FRMD4B: variants seen among roughly 807,000 people sequenced by gnomAD.
The protein encoded by FRMD4B is FERM domain containing 4B, also known as FERM domain-containing protein 4B.
FRMD4B carries 74 observed loss-of-function variants against 141.5 expected under a neutral mutation model. That is an observed-to-expected ratio of 0.52 (90% CI 0.43 to 0.63). The LOEUF is 0.63. Among genes scored for constraint, FRMD4B ranks in the 30% least tolerant of loss-of-function variants. The pLI, the probability that FRMD4B is intolerant of heterozygous loss-of-function variation, is 0.00. For synonymous variants in FRMD4B, 506 were observed against 467.9 expected (o/e 1.08, Z -1.05); for missense variants, 1,366 against 1,253.4 (o/e 1.09, Z -1.36).
At chr3:69,349,505 C>T (rs778312042) in intron 1 of FRMD4B, among the ~76,000 whole-genome samples, 13 of 152,116 alleles carry the variant, frequency 8.5e-5, no homozygotes, top group Admixed American at 1.3e-4. Flanking sequence ...AAAAAGAGCC[C>T]GCATTGCCAA....
chr3:69,298,551 C>A (rs1259976686), intron 4 of FRMD4B, among the ~76,000 whole-genome samples: 2 of 152,240 alleles, frequency 1.3e-5, no homozygotes, highest in Non-Finnish European at 2.9e-5. Flanking sequence ...CCCATGCCAA[C>A]TCCTACTCAC....
chr3:69,429,354 C>T (rs1183669488), intron 2 of FRMD4B, among the ~76,000 whole-genome samples: 2 of 152,154 alleles, frequency 1.3e-5, no homozygotes, highest in African/African-American at 4.8e-5. Context: ...AAAAATATTG[C>T]CCCTACTGGC....
chr3:69,470,088 A>G (rs2106942642), intron 1 of FRMD4B, among the ~76,000 whole-genome samples: 1 of 152,346 alleles, frequency 6.6e-6, no homozygotes, highest in South Asian at 2.1e-4. Flanking sequence ...TTGGATCGGT[A>G]TTCTCCAAAG....
At chr3:69,194,990 T>C (rs1301212065) in intron 16 of FRMD4B, 32 bp downstream of exon 16, 2 of 1,597,514 alleles carry the variant, frequency 1.3e-6, no homozygotes, top group Non-Finnish European at 1.7e-6. Flanking sequence ...TGTCTTATGA[T>C]TAATTGAAAG....
At position 69,300,323 on chromosome 3, in the gene FRMD4B, G is replaced by C. The variant is rs78924076; in HGVS notation, c.416+2020C>G. Among the ~76,000 whole-genome samples the C allele has an allele frequency of 4.1e-3, 625 of 152,348 alleles. 6 individuals are homozygous for C. Among genetic ancestry groups the C allele is most frequent in the African/African-American group, 0.014 (594 of 41,582 alleles). On this transcript the variant is annotated intron_variant, in intron 4 of 22. Transcript: ENST00000398540. ...CTATACTGTTGGGAGGAAGAACTAA[G>C]TGAATAATTAAAAACTTGATAAGGG...
At chr3:69,234,447 G>C (rs986915070) in intron 7 of FRMD4B, among the ~76,000 whole-genome samples, 1 of 152,080 alleles carries the variant, frequency 6.6e-6, no homozygotes, top group African/African-American at 2.4e-5. Flanking sequence ...ACCAAGACCT[G>C]GGTGATTAGC....
At chr3:69,323,653 T>TATATATAA (rs1553723964) in intron 1 of FRMD4B, among the ~76,000 whole-genome samples, 2 of 128,308 alleles carry the variant, frequency 1.6e-5, no homozygotes, top group African/African-American at 5.8e-5. Flanking sequence ...TATATATATA[T>TATATATAA]GCGTTTTAAA....
intron 1 of FRMD4B, among the ~76,000 whole-genome samples, chr3:69,323,437 C>T (rs58069160): frequency 0.021 from 3,140 of 151,282 alleles, 97 homozygotes; most frequent in African/African-American, 0.072. Context: ...GGCATGGTAG[C>T]GCATGCTGTA....
At chr3:69,520,098 T>A (rs1258822198) in intron 1 of FRMD4B, among the ~76,000 whole-genome samples, 3 of 127,542 alleles carry the variant, frequency 2.4e-5, no homozygotes, top group Non-Finnish European at 4.6e-5. Flanking sequence ...TATATATATA[T>A]AAAATGGACT....
chr3:69,301,300 G>T (rs1035863115), intron 4 of FRMD4B, among the ~76,000 whole-genome samples: 1 of 152,094 alleles, frequency 6.6e-6, no homozygotes, highest in Non-Finnish European at 1.5e-5. Flanking sequence ...GCTAGGTAGA[G>T]AAATATAGGT....
At chr3:69,254,384 C>T (rs905781544) in intron 5 of FRMD4B, among the ~76,000 whole-genome samples, 1 of 152,116 alleles carries the variant, frequency 6.6e-6, no homozygotes, top group Non-Finnish European at 1.5e-5. Flanking sequence ...GCTTAGATTA[C>T]AGGCGTGAGC....
At chr3:69,292,393 G>A (rs767010161) in intron 4 of FRMD4B, among the ~76,000 whole-genome samples, 2 of 152,186 alleles carry the variant, frequency 1.3e-5, no homozygotes, top group South Asian at 2.1e-4. Context: ...TGAAGAAACC[G>A]CATACAGGTT....
intron 7 of FRMD4B, among the ~76,000 whole-genome samples, chr3:69,235,526 G>A (rs1259101574): frequency 6.6e-6 from 1 of 152,044 alleles, no homozygotes; most frequent in Non-Finnish European, 1.5e-5. Flanking sequence ...GGGTGTGGTG[G>A]TGGGTGCCTG....
chr3:69,400,844 T>C (rs955919032), intron 2 of FRMD4B, among the ~76,000 whole-genome samples: 1 of 152,238 alleles, frequency 6.6e-6, no homozygotes, highest in Non-Finnish European at 1.5e-5. Context: ...GCTCTGCTTC[T>C]ATTACACTGA....
In FRMD4B at chr3:69,352,377, T is replaced by C. The variant is rs142068196; in HGVS notation, c.162+33451A>G. ...TGGACTCATTTCTAAGGCTACACTA[T>C]TATGTTGTTACATTATAGCAAAAGG... On this transcript the variant is annotated intron_variant, in intron 1 of 22. Transcript: ENST00000398540. Among the ~76,000 whole-genome samples the C allele has an allele frequency of 2.3e-4, 35 of 152,332 alleles. No individual in the cohort carries two copies. The East Asian group carries it at 6.6e-3, about 29-fold the overall frequency.
In FRMD4B at chr3:69,385,809, G is replaced by A. The variant is rs777861852; in HGVS notation, c.162+19C>T. The A allele has an allele frequency of 1.3e-6, 2 of 1,528,678 alleles. No individual in the cohort carries two copies. The highest frequency in any genetic ancestry group is 1.4e-5 in the African/African-American group (1 of 72,296). 94.7% of individuals were successfully genotyped at this position (1,528,678 alleles called of 1,614,324 possible). ...CGGCATCCTGCTGGGGCCCTCGGGT[G>A]CCGCGCGCTCCAGCTCACCTGGTAC... On this transcript the variant is annotated intron_variant, in intron 1 of 22. Coordinates refer to ENST00000398540, the MANE Select transcript of FRMD4B (RefSeq NM_015123.3).
rs540601501 is a variant in FRMD4B, at chr3:69,276,644, C to T, written c.501+11108G>A. Reference sequence around the variant, plus strand: ...GAGAACTTTGATACCTCCAGGTTCACGCTCAGAAATGTAAATGGCATTAAG... The same window carrying T: ...GAGAACTTTGATACCTCCAGGTTCATGCTCAGAAATGTAAATGGCATTAAG... On this transcript the variant is annotated intron_variant, in intron 5 of 22. Coordinates refer to ENST00000398540, the MANE Select transcript of FRMD4B (RefSeq NM_015123.3). Among the ~76,000 whole-genome samples, 21 of 152,250 alleles carry T rather than the reference C, an allele frequency of 1.4e-4. No homozygotes were observed. In the South Asian group the frequency reaches 3.7e-3, roughly 27 times the overall value.
chr3:69,360,311 C>A (rs1703435616), intron 1 of FRMD4B, among the ~76,000 whole-genome samples: 1 of 152,020 alleles, frequency 6.6e-6, no homozygotes, highest in African/African-American at 2.4e-5. Flanking sequence ...GAAGCAAAAC[C>A]AAGACTTAAG....
chr3:69,183,349 C>T (rs75371458), intron 19 of FRMD4B, among the ~76,000 whole-genome samples: 2,407 of 152,088 alleles, frequency 0.016, 71 homozygotes, highest in African/African-American at 0.053. Context: ...TCACGGTCTG[C>T]GCAAAAACAG....
Sources: gnomAD v4.1 joint callset for allele counts (sites outside exome capture counted in the v4.1 genomes callset) on GRCh38, gnomAD v4.1.1 for gene constraint, MANE v1.5 for transcripts, NCBI Gene and HGNC (gene_info 2026-07-23, HGNC 2026-07-21) for gene names.